Variants in EIF4E observed in about 807,000 individuals in gnomAD.
The protein encoded by EIF4E is eIF-4F 25 kDa subunit.
For synonymous variants in EIF4E, 71 were observed against 88.5 expected, an observed-to-expected ratio of 0.80 and a Z score of 1.11; for missense variants, 113 against 265.6, an observed-to-expected ratio of 0.43 and a Z score of 3.99.
intron 3 of EIF4E, among the ~76,000 whole-genome samples, chr4:98,888,239 A>G (rs933637409): frequency 6.6e-6 from 1 of 152,220 alleles, no homozygotes; most frequent in African/African-American, 2.4e-5. Flanking sequence ...TATATATAAG[A>G]AACTGAGAAG....
At chr4:98,900,145 T>C (rs1724584707) in intron 2 of EIF4E, among the ~76,000 whole-genome samples, 1 of 152,056 alleles carries the variant, frequency 6.6e-6, no homozygotes, top group South Asian at 2.1e-4. Flanking sequence ...ATACAGTTTG[T>C]TTCATATCAC....
chr4:98,903,668 AC>A (rs1186943654), intron 1 of EIF4E, among the ~76,000 whole-genome samples: 4 of 152,152 alleles, frequency 2.6e-5, no homozygotes, highest in Non-Finnish European at 5.9e-5. Context: ...CTATAAAGTC[AC>A]CCAGAACGGA....
chr4:98,912,751 T>G (rs898456390), intron 1 of EIF4E, among the ~76,000 whole-genome samples: 2 of 152,230 alleles, frequency 1.3e-5, no homozygotes, highest in African/African-American at 4.8e-5. Flanking sequence ...TAAGAAGTAT[T>G]TGAAAGGCAA....
Position 98,927,443 on chromosome 4 carries a change from G to C in EIF4E, c.18+1652C>G, listed in dbSNP as rs547923513. 2.2e-3 allele frequency among the ~76,000 whole-genome samples: 338 copies of C among 151,958 alleles called. 1 individual carries two copies. The highest frequency in any genetic ancestry group is 4.0e-3 in the Non-Finnish European group (273 of 67,982). On this transcript the variant is annotated intron_variant, in intron 1 of 6. Transcript: ENST00000450253. Reference sequence around the variant, plus strand: ...GGCTGAGGCGGGAGGATCACTTGAGGTCAGGAGTTTCAGACCAGCCTGGCC... The same window carrying C: ...GGCTGAGGCGGGAGGATCACTTGAGCTCAGGAGTTTCAGACCAGCCTGGCC...
rs182494642 is a variant in EIF4E, at chr4:98,883,464, T to A, written c.539+1458A>T. 6.2e-5 allele frequency among the ~76,000 whole-genome samples: 8 copies of A among 130,036 alleles called. No individual in the cohort carries two copies. In the East Asian group the frequency reaches 1.5e-3, roughly 24 times the overall value. 85.3% of individuals were successfully genotyped at this position (130,036 alleles called of 152,430 possible). ...CCCAGGCTGGAGCGCAGTGGCCCAATCTTGGCTCACTGCAAGCTCCGCCTC... is the reference window on the plus strand; with the variant it reads ...CCCAGGCTGGAGCGCAGTGGCCCAAACTTGGCTCACTGCAAGCTCCGCCTC... On this transcript the variant is annotated intron_variant, in intron 6 of 6. Coordinates refer to ENST00000450253, the MANE Select transcript of EIF4E (RefSeq NM_001968.5).
chr4:98,906,701 A>G (rs565346939), intron 1 of EIF4E, among the ~76,000 whole-genome samples: 4 of 152,028 alleles, frequency 2.6e-5, no homozygotes, highest in Non-Finnish European at 5.9e-5. Flanking sequence ...ACAGAGTAAG[A>G]CTCTGTCTCT....
intron 1 of EIF4E, among the ~76,000 whole-genome samples, chr4:98,925,771 T>A (rs1351355881): frequency 6.6e-6 from 1 of 152,148 alleles, no homozygotes; most frequent in East Asian, 1.9e-4. Flanking sequence ...CAGAAAACCA[T>A]TATGGAAGCT....
intron 1 of EIF4E, among the ~76,000 whole-genome samples, chr4:98,918,711 T>A (rs1309174836): frequency 6.6e-6 from 1 of 152,196 alleles, no homozygotes; most frequent in East Asian, 1.9e-4. Context: ...TAGTGTAACA[T>A]ATACCATCAG....
At chr4:98,900,166 G>GA (rs549075710) in intron 2 of EIF4E, among the ~76,000 whole-genome samples, 43 of 148,564 alleles carry the variant, frequency 2.9e-4, no homozygotes, top group African/African-American at 5.7e-4. Context: ...TGAAAAAAAT[G>GA]AAAAAAAAAT....
intron 2 of EIF4E, among the ~76,000 whole-genome samples, chr4:98,901,258 C>T (rs1009706679): frequency 8.7e-5 from 13 of 149,874 alleles, no homozygotes; most frequent in Admixed American, 4.0e-4. Context: ...CAGGCAATGG[C>T]GCGATCTCAG....
chr4:98,905,751 G>A (rs1560645797), intron 1 of EIF4E, among the ~76,000 whole-genome samples: 1 of 152,144 alleles, frequency 6.6e-6, no homozygotes, highest in East Asian at 1.9e-4. Flanking sequence ...AGCAAACCCA[G>A]GGCTGAATAA....
intron 1 of EIF4E, among the ~76,000 whole-genome samples, chr4:98,919,343 A>C (rs2110220689): frequency 6.8e-6 from 1 of 146,706 alleles, no homozygotes; most frequent in Non-Finnish European, 1.5e-5. Context: ...AAAAAAAAAA[A>C]AAACAAAAAA....
At chr4:98,896,569 T>A (rs554152649) in intron 2 of EIF4E, among the ~76,000 whole-genome samples, 2 of 137,396 alleles carry the variant, frequency 1.5e-5, no homozygotes, top group South Asian at 4.6e-4. Context: ...AAAGCTGATG[T>A]GGGAAGGTCA....
In EIF4E at chr4:98,900,902, C is replaced by T. The variant is rs77880237; in HGVS notation, c.125+974G>A. 5.9e-3 allele frequency among the ~76,000 whole-genome samples: 898 copies of T among 152,288 alleles called. 2 individuals are homozygous for T. Among genetic ancestry groups the T allele is most frequent in the Non-Finnish European group, 8.7e-3 (595 of 68,014 alleles). ...CAACCAACCTTCAAACTCCACATTC[C>T]CTGGCTCTCGTTTCTCATTCTCAGT... On this transcript the variant is annotated intron_variant, in intron 2 of 6. Transcript: ENST00000450253.
intron 6 of EIF4E, among the ~76,000 whole-genome samples, chr4:98,883,695 G>A (rs1040873352): frequency 2.6e-5 from 4 of 151,770 alleles, no homozygotes; most frequent in Non-Finnish European, 4.4e-5. Flanking sequence ...GAGCCACTGC[G>A]CCTGGTGTCA....
At chr4:98,896,383 G>C (rs1724392635) in intron 2 of EIF4E, among the ~76,000 whole-genome samples, 1 of 150,396 alleles carries the variant, frequency 6.6e-6, no homozygotes, top group Admixed American at 6.6e-5. Flanking sequence ...GAATGGGACA[G>C]GGATGGGGAC....
At chr4:98,909,688 C>T (rs915619729) in intron 1 of EIF4E, 17 of 710,402 alleles carry the variant, frequency 2.4e-5, no homozygotes, top group East Asian at 1.9e-4. Flanking sequence ...CTGGGATTCT[C>T]GCAGACTTTC....
intron 1 of EIF4E, chr4:98,928,748 C>G: frequency 8.7e-7 from 1 of 1,147,262 alleles, no homozygotes; most frequent in Non-Finnish European, 1.2e-6. Flanking sequence ...GGGAGCCGGC[C>G]CTGCGCCTTC....
intron 1 of EIF4E, among the ~76,000 whole-genome samples, chr4:98,904,639 C>G (rs543479748): frequency 6.6e-6 from 1 of 152,204 alleles, no homozygotes; most frequent in Admixed American, 6.5e-5. Flanking sequence ...GGCGTGGTAG[C>G]ACGCGCCTGT....
Sources: gnomAD v4.1 joint callset for allele counts (sites outside exome capture counted in the v4.1 genomes callset) on GRCh38, gnomAD v4.1.1 for gene constraint, MANE v1.5 for transcripts, NCBI Gene and HGNC (gene_info 2026-07-23, HGNC 2026-07-21) for gene names.